CCDC141: variants seen among roughly 807,000 people sequenced by gnomAD.
The protein encoded by CCDC141 is coiled-coil domain-containing protein 141.
A neutral mutation model predicts 181.0 loss-of-function variants in CCDC141; 168 were observed. The ratio of observed to expected loss-of-function variants is 0.93; its 90% CI spans 0.82 to 1.05. The LOEUF (loss-of-function observed/expected upper bound fraction) is 1.05. Among genes scored for constraint, CCDC141 ranks in the 50% least tolerant of loss-of-function variants. The pLI, the probability that CCDC141 is intolerant of heterozygous loss-of-function variation, is 0.00. For synonymous variants in CCDC141, 666 were observed against 642.3 expected (o/e 1.04, Z -0.56); for missense variants, 1,902 against 1,788.5 (o/e 1.06, Z -1.14).
chr2:178,930,493 A>G (rs1460080368), intron 6 of CCDC141, among the ~76,000 whole-genome samples: 1 of 152,116 alleles, frequency 6.6e-6, no homozygotes, highest in African/African-American at 2.4e-5. Flanking sequence ...GACCCTGAAT[A>G]GCCAAAACAA....
At position 178,971,668 on chromosome 2, in the gene CCDC141, A is replaced by T. The variant is rs555367804; in HGVS notation, c.526+3389T>A. ...TCACAATAGCAAAGACTTGGAACCA[A>T]CCCAAATGTCCATCAATAATGGACT... On this transcript the variant is annotated intron_variant, in intron 4 of 23. Coordinates refer to ENST00000443758, the MANE Select transcript of CCDC141 (RefSeq NM_173648.4). Among the ~76,000 whole-genome samples the T allele has an allele frequency of 6.6e-5, 10 of 152,328 alleles. No homozygotes were observed. The East Asian group carries it at 1.9e-3, about 29-fold the overall frequency.
intron 16 of CCDC141, among the ~76,000 whole-genome samples, chr2:178,867,574 T>G (rs1685908053): frequency 6.6e-6 from 1 of 152,180 alleles, no homozygotes; most frequent in Non-Finnish European, 1.5e-5. Flanking sequence ...TTTTTTAAAT[T>G]TACAGTTTCG....
At chr2:178,950,472 C>T (rs1217735552) in intron 5 of CCDC141, among the ~76,000 whole-genome samples, 1 of 152,094 alleles carries the variant, frequency 6.6e-6, no homozygotes, top group Non-Finnish European at 1.5e-5. Flanking sequence ...TTCTAATGCA[C>T]ATTAGAAGAG....
intron 11 of CCDC141, among the ~76,000 whole-genome samples, chr2:178,880,961 G>A (rs1686575514): frequency 6.6e-6 from 1 of 152,180 alleles, no homozygotes; most frequent in Admixed American, 6.5e-5. Flanking sequence ...CTAACGGAAA[G>A]CATTGGTTTG....
intron 7 of CCDC141, among the ~76,000 whole-genome samples, chr2:178,906,926 T>C (rs1017421018): frequency 2.0e-5 from 3 of 152,104 alleles, no homozygotes; most frequent in Non-Finnish European, 2.9e-5. Flanking sequence ...AGTGGCAGAA[T>C]TGGAACTGGA....
At chr2:178,958,261 T>C (rs1309475774) in intron 5 of CCDC141, among the ~76,000 whole-genome samples, 1 of 152,112 alleles carries the variant, frequency 6.6e-6, no homozygotes, top group South Asian at 2.1e-4. Flanking sequence ...GAATTGGACA[T>C]TTGGAATGTA....
At chr2:178,996,839 G>A (rs1177594131) in intron 2 of CCDC141, among the ~76,000 whole-genome samples, 1 of 152,194 alleles carries the variant, frequency 6.6e-6, no homozygotes, top group Non-Finnish European at 1.5e-5. Context: ...AAAGTCAGCA[G>A]ACATTCTGCT....
rs997983880 is a variant in CCDC141, at chr2:178,918,972, C to T, written c.898-65G>A. On this transcript the variant is annotated intron_variant, in intron 6 of 23. Transcript: ENST00000443758. Reference sequence around the variant, plus strand: ...GTTATGGACCGAATGCTTGTGTCCCCCCGAAATTCCTCTGCTGAAATCTAA... The same window carrying T: ...GTTATGGACCGAATGCTTGTGTCCCTCCGAAATTCCTCTGCTGAAATCTAA... The T allele has an allele frequency of 5.0e-5, 68 of 1,356,460 alleles. 1 individual carries two copies. The highest frequency in any genetic ancestry group is 6.5e-5 in the Non-Finnish European group (65 of 997,054). 84.0% of individuals were successfully genotyped at this position (1,356,460 alleles called of 1,614,324 possible). A position where few individuals can be genotyped will look rare whatever the true frequency, so the allele number is the denominator to read the frequency against.
chr2:179,009,223 A>G (rs1368139200), intron 2 of CCDC141, among the ~76,000 whole-genome samples: 2 of 152,128 alleles, frequency 1.3e-5, no homozygotes, highest in African/African-American at 4.8e-5. Flanking sequence ...TATATTTTAT[A>G]TGAGTTTCTG....
rs772918198 is a variant in CCDC141, at chr2:178,868,113, G to A, written c.2487C>T (p.Cys829=). Residue 829 remains cysteine (C), a synonymous_variant, in exon 16 of 24, where the codon TGC becomes TGT. Transcript: ENST00000443758. The part of the protein sequence containing the change: ...DAHDVQIHLR[C]SQEKQARVDH... ...CTACACGGGCTTGCTTTTCCTGAGAGCACCGGAGGTGAATCTGCACATCAT... is the reference window on the plus strand; with the variant it reads ...CTACACGGGCTTGCTTTTCCTGAGAACACCGGAGGTGAATCTGCACATCAT... 6.2e-7 allele frequency: 1 copy of A among 1,614,046 alleles called. No homozygotes were observed.
At chr2:178,932,607 TAC>T (rs544283026) in intron 6 of CCDC141, among the ~76,000 whole-genome samples, 166 of 152,304 alleles carry the variant, frequency 1.1e-3, no homozygotes, top group African/African-American at 3.9e-3. Flanking sequence ...TGTGTATACA[TAC>T]ACACATATAG....
At chr2:179,015,568 TC>T (rs374533845) in intron 2 of CCDC141, among the ~76,000 whole-genome samples, 1 of 53,716 alleles carries the variant, frequency 1.9e-5, no homozygotes, top group Non-Finnish European at 4.4e-5. Context: ...CATATATATC[TC>T]ATATATCTCA....
At chr2:178,936,730 T>C (rs1157419436) in intron 6 of CCDC141, among the ~76,000 whole-genome samples, 1 of 152,186 alleles carries the variant, frequency 6.6e-6, no homozygotes, top group Non-Finnish European at 1.5e-5. Context: ...TCCATGAGTA[T>C]GGAATGTGTT....
At chr2:178,997,406 T>A (rs1356385999) in intron 2 of CCDC141, among the ~76,000 whole-genome samples, 1 of 152,108 alleles carries the variant, frequency 6.6e-6, no homozygotes. Flanking sequence ...GAGCAGTATG[T>A]ATCAGTTAGT....
intron 2 of CCDC141, among the ~76,000 whole-genome samples, chr2:179,015,763 A>ATC (rs1553503171): frequency 3.7e-5 from 5 of 133,614 alleles, no homozygotes; most frequent in Admixed American, 7.8e-5. Flanking sequence ...TCTCATATAT[A>ATC]TCATATATAT....
chr2:179,023,545 T>C (rs2042745924), intron 2 of CCDC141, among the ~76,000 whole-genome samples: 1 of 152,242 alleles, frequency 6.6e-6, no homozygotes, highest in Admixed American at 6.5e-5. Context: ...AAAGTGGTTC[T>C]CACTAGCAAT....
At chr2:178,817,451 G>T in the CCDC141 span, 1 of 468,210 alleles carries the variant, frequency 2.1e-6, no homozygotes, top group Non-Finnish European at 4.4e-6. Flanking sequence ...TTTTTCTGTG[G>T]ATAATATAGA....
chr2:178,935,681 C>T (rs1221225308), intron 6 of CCDC141, among the ~76,000 whole-genome samples: 1 of 151,686 alleles, frequency 6.6e-6, no homozygotes, highest in Non-Finnish European at 1.5e-5. Context: ...CTGCTTTTAG[C>T]TTTAAGGAGT....
chr2:179,010,575 C>A (rs1015801795), intron 2 of CCDC141, among the ~76,000 whole-genome samples: 1 of 152,104 alleles, frequency 6.6e-6, no homozygotes, highest in Non-Finnish European at 1.5e-5. Flanking sequence ...AGGAAAGATA[C>A]AGTCTTTTTC....
Sources: allele counts gnomAD v4.1 joint callset (sites outside exome capture counted in the v4.1 genomes callset), GRCh38; gene constraint gnomAD v4.1.1; transcripts MANE v1.5; gene names NCBI Gene and HGNC (gene_info 2026-07-23, HGNC 2026-07-21).